The following DNAH11 variants were observed in gnomAD, a reference collection of about 807,000 sequenced individuals.
DNAH11 encodes axonemal beta dynein heavy chain 11.
A neutral mutation model predicts 526.0 loss-of-function variants in DNAH11; 442 were observed. The ratio of observed to expected loss-of-function variants is 0.84; its 90% CI spans 0.78 to 0.91. The LOEUF is 0.91. DNAH11 is among the 40% of genes least tolerant of loss of function. The pLI is 0.00. For synonymous variants in DNAH11, 2,461 were observed against 1,935.9 expected (o/e 1.27, Z -7.12); for missense variants, 6,989 against 5,448.7 (o/e 1.28, Z -8.90).
At chr7:21,799,487 G>A (rs978737879) in intron 61 of DNAH11, among the ~76,000 whole-genome samples, 3 of 151,578 alleles carry the variant, frequency 2.0e-5, no homozygotes, top group Admixed American at 6.6e-5. Context: ...ACAGGCACCC[G>A]CCACCACGCC....
intron 56 of DNAH11, among the ~76,000 whole-genome samples, chr7:21,774,923 G>C (rs573434631): frequency 8.5e-5 from 13 of 152,198 alleles, no homozygotes; most frequent in African/African-American, 2.2e-4. Flanking sequence ...CATCAGGTCA[G>C]ACTCTCATAT....
At chr7:21,642,138 T>G (rs1311156622) in intron 28 of DNAH11, among the ~76,000 whole-genome samples, 2 of 152,202 alleles carry the variant, frequency 1.3e-5, no homozygotes, top group African/African-American at 4.8e-5. Flanking sequence ...TTGGGAAAAT[T>G]TGTATTCCAA....
At chr7:21,668,352 T>G (rs554752660) in intron 30 of DNAH11, among the ~76,000 whole-genome samples, 15 of 152,308 alleles carry the variant, frequency 9.8e-5, no homozygotes, top group African/African-American at 3.1e-4. Flanking sequence ...TATCTCTTCC[T>G]AGGGCAAATG....
chr7:21,703,807 G>A (rs1784153362), intron 37 of DNAH11: 1 of 151,982 alleles, frequency 6.6e-6, no homozygotes, highest in Non-Finnish European at 1.5e-5. Flanking sequence ...TAAATTGTGG[G>A]ATATTTATTA....
In DNAH11 at chr7:21,637,622, C is replaced by G; in HGVS notation, c.4737C>G (p.Phe1579Leu). 1 of 1,584,674 alleles carries G rather than the reference C, an allele frequency of 6.3e-7. No individual in the cohort carries two copies. Among genetic ancestry groups the G allele is most frequent in the Non-Finnish European group, 8.6e-7 (1 of 1,164,206 alleles). Residue 1579 changes from phenylalanine (F) to leucine (L), a missense_variant, in exon 27 of 82, where the codon TTC becomes TTG. Phe to Leu is a conservative substitution (Grantham distance 22). Transcript: ENST00000409508. ...GVDAEFKELMFKTAKVENVLE... is the reference protein window; with the variant it reads ...GVDAEFKELMLKTAKVENVLE... Reference sequence around the variant, plus strand: ...GTACTTTCATGCAGGAGTTAATGTTCAAGACAGCCAAAGTAGAAAATGTGT... The same window carrying G: ...GTACTTTCATGCAGGAGTTAATGTTGAAGACAGCCAAAGTAGAAAATGTGT...
rs761057453 is a variant in DNAH11 at position 21,868,960 on chromosome 7, C to T, written c.11936C>T (p.Ala3979Val). ...ETVAEVALEK[A>V]SKGGHWVILQ... Reference sequence around the variant, plus strand: ...GTGGCAGAAGTGGCCCTGGAGAAAGCTTCCAAAGGAGGACACTGGGTCATC... The same window carrying T: ...GTGGCAGAAGTGGCCCTGGAGAAAGTTTCCAAAGGAGGACACTGGGTCATC... The change falls in exon 73 of 82, where the codon GCT (alanine) becomes GTT (valine). Residue 3979 changes from alanine to valine, a missense_variant. Ala to Val is a moderately conservative substitution (Grantham distance 64, BLOSUM62 0). Coordinates refer to ENST00000409508, the MANE Select transcript of DNAH11 (RefSeq NM_001277115.2). 3 of 1,613,982 alleles carry T rather than the reference C, an allele frequency of 1.9e-6. No homozygotes were observed. The highest frequency in any genetic ancestry group is 2.2e-5 in the South Asian group (2 of 91,078).
intron 66 of DNAH11, among the ~76,000 whole-genome samples, chr7:21,850,748 C>T (rs1331403323): frequency 6.6e-6 from 1 of 151,244 alleles, no homozygotes; most frequent in Non-Finnish European, 1.5e-5. Context: ...GTTTCCAGGG[C>T]TAGGAGTTAC....
At chr7:21,853,740 C>A (rs1484267474) in intron 67 of DNAH11, among the ~76,000 whole-genome samples, 1 of 152,166 alleles carries the variant, frequency 6.6e-6, no homozygotes, top group African/African-American at 2.4e-5. Flanking sequence ...TAAATTATCT[C>A]TCTGAATGTA....
At chr7:21,602,557 TTGTGTGTGTGTG>T (rs60703018) in intron 18 of DNAH11, among the ~76,000 whole-genome samples, 47,551 of 149,000 alleles carry the variant, frequency 0.32, 8,820 homozygotes, top group Non-Finnish European at 0.43. Flanking sequence ...ATTTTATAGA[TTGTGTGTGTGTG>T]TGTGTGTGTG....
At chr7:21,793,165 G>C (rs181800027) in intron 61 of DNAH11, among the ~76,000 whole-genome samples, 8 of 152,058 alleles carry the variant, frequency 5.3e-5, no homozygotes, top group East Asian at 1.9e-4. Flanking sequence ...TCCTGTGTTC[G>C]TATAGTTGCC....
intron 68 of DNAH11, among the ~76,000 whole-genome samples, chr7:21,854,682 A>G (rs756728886): frequency 1.3e-5 from 2 of 151,984 alleles, no homozygotes; most frequent in Non-Finnish European, 1.5e-5. Flanking sequence ...AGCTGGGACT[A>G]CAGGAGTGCG....
chr7:21,574,867 C>CTTTTTTT lies in DNAH11; in HGVS notation c.1593+2915_1593+2921dup, dbSNP rs869117425. Among the ~76,000 whole-genome samples the CTTTTTTT allele has an allele frequency of 6.1e-4, 26 of 42,860 alleles. 4 individuals carry two copies. The highest frequency in any genetic ancestry group is 2.1e-3 in the African/African-American group (17 of 8,082). 28.1% of individuals were successfully genotyped at this position (42,860 alleles called of 152,430 possible). On this transcript the variant is annotated intron_variant, in intron 8 of 81. Transcript: ENST00000409508. ...TACAGGCGTGAGCCACTGCACTGGG[C>CTTTTTTT]TTTTTTTTTTTTTTTTTTTTTTTTT...
Position 21,842,595 on chromosome 7 carries a change from T to C in DNAH11, c.10743T>C (p.Leu3581=), listed in dbSNP as rs556793213. 10 of 1,613,958 alleles carry C rather than the reference T, an allele frequency of 6.2e-6. No homozygotes were observed. In the South Asian group the frequency reaches 1.1e-4, roughly 18 times the overall value. Reference sequence around the variant, plus strand: ...GTGAATTTAACAAGAACTTTCGCCTTATCCTTCACACAAAATTGGCAAATC... The same window carrying C: ...GTGAATTTAACAAGAACTTTCGCCTCATCCTTCACACAAAATTGGCAAATC... ...KECEFNKNFR[L]ILHTKLANPH... The change falls in exon 66 of 82, where the codon CTT becomes CTC. Residue 3581 remains leucine, a synonymous_variant. Transcript: ENST00000409508.
At chr7:21,748,322 A>G (rs1786244576) in intron 51 of DNAH11, among the ~76,000 whole-genome samples, 1 of 152,136 alleles carries the variant, frequency 6.6e-6, no homozygotes, top group African/African-American at 2.4e-5. Context: ...CGTCTCTACT[A>G]AAAATACAAA....
chr7:21,588,740 C>T, intron 11 of DNAH11, 104 bp downstream of exon 11: 1 of 1,321,920 alleles, frequency 7.6e-7, no homozygotes, highest in Non-Finnish European at 1.1e-6. Context: ...AGCCATTGCC[C>T]TGTTCACTTC....
Position 21,720,848 on chromosome 7 carries a change from C to T in DNAH11, c.7258C>T (p.Gln2420Ter). Residue 2420 changes from glutamine (Q) to a stop codon, truncating the protein, a stop_gained, in exon 44 of 82, where the codon CAA becomes TAA. Transcript: ENST00000409508. LOFTEE classifies it high-confidence loss of function. ...CTGGGCTTTTGGAGGCACCCTGCTA[C>T]AAGATCAGGTATGTTTAGAAATAGT... ...CIWAFGGTLL[Q>*]DQISDYQADF... 6.2e-7 allele frequency: 1 copy of T among 1,612,596 alleles called. No homozygotes were observed. The highest frequency in any genetic ancestry group is 1.1e-5 in the South Asian group (1 of 90,842).
At chr7:21,559,865 A>C in intron 4 of DNAH11, 73 bp downstream of exon 4, 4 of 1,245,878 alleles carry the variant, frequency 3.2e-6, no homozygotes, top group Non-Finnish European at 4.5e-6. Context: ...AATAGTTTTA[A>C]AGATTTAACA....
chr7:21,669,348 A>G (rs994494114), intron 30 of DNAH11, among the ~76,000 whole-genome samples: 5 of 152,020 alleles, frequency 3.3e-5, no homozygotes, highest in African/African-American at 1.2e-4. Context: ...AAACATTTTA[A>G]AAATTCTTTT....
At chr7:21,589,962 T>C (rs995599260) in intron 12 of DNAH11, among the ~76,000 whole-genome samples, 34 of 152,164 alleles carry the variant, frequency 2.2e-4, no homozygotes, top group African/African-American at 8.2e-4. Flanking sequence ...ATTAAATTGA[T>C]GGTAATTTTA....
Sources: allele counts gnomAD v4.1 joint callset (sites outside exome capture counted in the v4.1 genomes callset), GRCh38; gene constraint gnomAD v4.1.1; transcripts MANE v1.5; gene names NCBI Gene and HGNC (gene_info 2026-07-23, HGNC 2026-07-21).